TENM3: variants seen among roughly 807,000 people sequenced by gnomAD.
TENM3 encodes teneurin-3.
A neutral mutation model predicts 255.1 loss-of-function variants in TENM3; 63 were observed. The ratio of observed to expected loss-of-function variants is 0.25; its 90% CI spans 0.20 to 0.30. TENM3 has a LOEUF of 0.30. TENM3 is among the 10% of genes least tolerant of loss of function. The pLI is 1.00. For missense variants in TENM3, 2,929 were observed against 3,461.1 expected (o/e 0.85, Z 3.86); for synonymous variants, 1,306 against 1,322.3 (o/e 0.99, Z 0.27).
chr4:182,184,941 G>T (rs902195699), intron 1 of TENM3, among the ~76,000 whole-genome samples: 11 of 151,990 alleles, frequency 7.2e-5, no homozygotes, highest in Admixed American at 7.2e-4. Flanking sequence ...AAAATAGCTG[G>T]GCATGGTGGT....
the TENM3 span, among the ~76,000 whole-genome samples, chr4:181,698,394 ATTTAT>A: frequency 6.6e-6 from 1 of 152,032 alleles, no homozygotes; most frequent in Non-Finnish European, 1.5e-5. Flanking sequence ...GTTTCTAGTT[ATTTAT>A]TTTAATGCCA....
At chr4:182,177,507 C>T (rs1340048849) in intron 1 of TENM3, among the ~76,000 whole-genome samples, 2 of 151,590 alleles carry the variant, frequency 1.3e-5, no homozygotes, top group South Asian at 4.2e-4. Context: ...ATGGAACCAC[C>T]CTGAAAATTA....
chr4:182,474,345 C>T (rs1733456764), intron 3 of TENM3, among the ~76,000 whole-genome samples: 1 of 152,206 alleles, frequency 6.6e-6, no homozygotes, highest in South Asian at 2.1e-4. Context: ...GCTCTCTATG[C>T]ATTCAACCAT....
chr4:182,625,310 G>A (rs979920548), intron 4 of TENM3, among the ~76,000 whole-genome samples: 4 of 152,242 alleles, frequency 2.6e-5, no homozygotes, highest in South Asian at 4.2e-4. Context: ...AGTGGCAGTC[G>A]GGGGAGGGAG....
At chr4:182,238,830 CCTCT>C (rs1364705326), upstream of TENM3, among the ~76,000 whole-genome samples, 1 of 151,780 alleles carries the variant, frequency 6.6e-6, no homozygotes, top group African/African-American at 2.4e-5. Flanking sequence ...ACCTTTTCTC[CCTCT>C]CTTTTTTAAT....
At chr4:182,680,441 G>GGA in intron 9 of TENM3, 92 bp downstream of exon 9, 2 of 1,401,884 alleles carry the variant, frequency 1.4e-6, no homozygotes, top group Non-Finnish European at 2.0e-6. Context: ...AAAGAAAGGG[G>GGA]GGGGGAGACT....
At chr4:182,434,818 C>T (rs978550705) in intron 3 of TENM3, among the ~76,000 whole-genome samples, 2 of 152,072 alleles carry the variant, frequency 1.3e-5, no homozygotes, top group African/African-American at 2.4e-5. Context: ...AATTAGAGGA[C>T]CGGTAATCTT....
rs1403020744 is a variant in TENM3, at chr4:182,730,267, T to A, written c.2653T>A (p.Ser885Thr). 1.9e-6 allele frequency: 3 copies of A among 1,613,890 alleles called. No individual in the cohort carries two copies. Among genetic ancestry groups the A allele is most frequent in the Admixed American group, 3.3e-5 (2 of 60,026 alleles). ...AACTCCACTTATTGGAGTAAATGTC[T>A]CGTTTTTCCATTACCCAGAATATGG... Reference protein sequence around the residue: ...DGTPLIGVNVSFFHYPEYGYT... With the variant: ...DGTPLIGVNVTFFHYPEYGYT... The change falls in exon 15 of 28, where the codon TCG becomes ACG. Residue 885 changes from serine to threonine, a missense_variant. Coordinates refer to ENST00000511685, the MANE Select transcript of TENM3 (RefSeq NM_001080477.4).
intron 3 of TENM3, among the ~76,000 whole-genome samples, chr4:182,568,252 A>G (rs1251682133): frequency 6.6e-6 from 1 of 152,172 alleles, no homozygotes; most frequent in Non-Finnish European, 1.5e-5. Flanking sequence ...TTGGATCTGC[A>G]CTGAACCCTC....
chr4:182,452,538 C>T (rs1160704744), intron 3 of TENM3, among the ~76,000 whole-genome samples: 4 of 152,106 alleles, frequency 2.6e-5, no homozygotes, highest in Non-Finnish European at 4.4e-5. Flanking sequence ...GAGAGAGGAG[C>T]AGGCGGGTTC....
chr4:182,051,481 C>G, the TENM3 span, among the ~76,000 whole-genome samples: 21 of 151,096 alleles, frequency 1.4e-4, no homozygotes, highest in African/African-American at 5.1e-4. Context: ...GGGTTCACGC[C>G]ATTCTCCTGC....
intron 1 of TENM3, among the ~76,000 whole-genome samples, chr4:182,210,221 G>T (rs1754915173): frequency 2.0e-5 from 3 of 152,042 alleles, no homozygotes; most frequent in Non-Finnish European, 2.9e-5. Flanking sequence ...CTTCAGAGAG[G>T]TCTCCTTTAC....
chr4:182,293,324 C>T (rs1437284269), intron 1 of TENM3, among the ~76,000 whole-genome samples: 2 of 152,108 alleles, frequency 1.3e-5, no homozygotes, highest in East Asian at 3.9e-4. Flanking sequence ...AACAGTGGCA[C>T]CAGAAACGAC....
At chr4:181,523,513 T>A in the TENM3 span, among the ~76,000 whole-genome samples, 1 of 151,724 alleles carries the variant, frequency 6.6e-6, no homozygotes, top group Non-Finnish European at 1.5e-5. Flanking sequence ...AAATAAAAAC[T>A]CAGCCCTCAT....
the TENM3 span, among the ~76,000 whole-genome samples, chr4:181,678,025 T>G: frequency 0.017 from 2,539 of 152,252 alleles, 70 homozygotes; most frequent in African/African-American, 0.058. Context: ...CAGTCAGATA[T>G]TTACATTTAT....
At chr4:182,112,350 C>T in the TENM3 span, among the ~76,000 whole-genome samples, 4 of 152,254 alleles carry the variant, frequency 2.6e-5, no homozygotes, top group Admixed American at 2.0e-4. Context: ...CCCTCATCAC[C>T]TTGTGGGGAA....
intron 1 of TENM3, among the ~76,000 whole-genome samples, chr4:182,279,738 C>T (rs1364897306): frequency 1.3e-5 from 2 of 152,198 alleles, no homozygotes; most frequent in East Asian, 1.9e-4. Context: ...CATAGTGGAT[C>T]GCAGAATAGT....
At chr4:181,801,651 A>AATATATATAT in the TENM3 span, among the ~76,000 whole-genome samples, 372 of 80,520 alleles carry the variant, frequency 4.6e-3, 4 homozygotes, top group Middle Eastern at 6.6e-3. Flanking sequence ...AGAATTGTAA[A>AATATATATAT]ATATATATAT....
intron 3 of TENM3, among the ~76,000 whole-genome samples, chr4:182,531,256 T>C (rs1739755099): frequency 6.6e-6 from 1 of 152,198 alleles, no homozygotes; most frequent in African/African-American, 2.4e-5. Flanking sequence ...TAACTGAAAT[T>C]AATTTTAGCT....
Sources: gnomAD v4.1 joint callset for allele counts (sites outside exome capture counted in the v4.1 genomes callset) on GRCh38, gnomAD v4.1.1 for gene constraint, MANE v1.5 for transcripts, NCBI Gene and HGNC (gene_info 2026-07-23, HGNC 2026-07-21) for gene names.